EPHA3: variants seen among roughly 807,000 people sequenced by gnomAD.
The protein encoded by EPHA3 is ephrin type-A receptor 3.
In EPHA3, 42 loss-of-function variants were observed where a neutral mutation model predicts 107.1. The observed-to-expected ratio is 0.39, with a 90% CI of 0.31 to 0.51. The LOEUF (loss-of-function observed/expected upper bound fraction) is 0.51. EPHA3 is among the 20% of genes least tolerant of loss of function. The pLI, the probability that EPHA3 is intolerant of heterozygous loss-of-function variation, is 0.78. For missense variants in EPHA3, 1,183 were observed against 1,211.2 expected (o/e 0.98, Z 0.35); for synonymous variants, 461 against 424.8 (o/e 1.09, Z -1.05).
chr3:89,289,774 G>C (rs990941846), intron 3 of EPHA3, among the ~76,000 whole-genome samples: 10 of 152,110 alleles, frequency 6.6e-5, no homozygotes, highest in Admixed American at 1.3e-4. Context: ...AAAGAAATGT[G>C]TGGAGGAGCT....
chr3:89,400,176 AT>A, intron 7 of EPHA3: 2 of 559,886 alleles, frequency 3.6e-6, no homozygotes, highest in Admixed American at 6.6e-5. Context: ...TACTTAACTC[AT>A]TTTTTTCTTT....
chr3:89,154,221 CAGG>C (rs1164470390), intron 2 of EPHA3, among the ~76,000 whole-genome samples: 2 of 151,124 alleles, frequency 1.3e-5, no homozygotes, highest in Non-Finnish European at 3.0e-5. Flanking sequence ...TCCTTTTGAG[CAGG>C]AGAACAGGAA....
chr3:89,160,493 T>A (rs1704905307), intron 2 of EPHA3, among the ~76,000 whole-genome samples: 1 of 151,044 alleles, frequency 6.6e-6, no homozygotes, highest in Non-Finnish European at 1.5e-5. Context: ...AAATAACTGT[T>A]CATAAGTAAA....
chr3:89,401,380 A>G lies in EPHA3; in HGVS notation c.1594+1900A>G, dbSNP rs1322624459. ...AAAGACTTCTTTTAATCCTCACAAT[A>G]AAATGTGTATGGAGAAATCACCCTC... is the stretch of plus-strand genomic sequence containing the variant. On this transcript the variant is annotated intron_variant, in intron 7 of 16. Transcript: ENST00000336596. Among the ~76,000 whole-genome samples the G allele has an allele frequency of 5.9e-5, 9 of 152,208 alleles. No individual in the cohort carries two copies. The East Asian group carries it at 1.5e-3, about 26-fold the overall frequency.
chr3:89,436,462 C>A (rs1342519473), intron 13 of EPHA3, among the ~76,000 whole-genome samples: 1 of 152,136 alleles, frequency 6.6e-6, no homozygotes, highest in African/African-American at 2.4e-5. Context: ...ATGCAATGAC[C>A]CTTTCCTGGT....
At position 89,329,384 on chromosome 3, in the gene EPHA3, G is replaced by C. The variant is rs546877152; in HGVS notation, c.815-11532G>C. ...AGATAAAGTGAACAAAAATGGCAGA[G>C]ATTCTTCTATTGTTCTTCCTTATGG... On this transcript the variant is annotated intron_variant, in intron 3 of 16. Coordinates refer to ENST00000336596, the MANE Select transcript of EPHA3 (RefSeq NM_005233.6). Among the ~76,000 whole-genome samples, 129 of 152,190 alleles carry C rather than the reference G, an allele frequency of 8.5e-4. 1 individual carries two copies. Among genetic ancestry groups the C allele is most frequent in the African/African-American group, 2.8e-3 (118 of 41,550 alleles).
chr3:89,426,165 G>A (rs926279421), intron 11 of EPHA3, among the ~76,000 whole-genome samples: 1 of 151,668 alleles, frequency 6.6e-6, no homozygotes. Context: ...GGAGGAAGAC[G>A]ATCATGTCAT....
chr3:89,289,091 T>C (rs1214807709), intron 3 of EPHA3, among the ~76,000 whole-genome samples: 1 of 152,098 alleles, frequency 6.6e-6, no homozygotes, highest in Non-Finnish European at 1.5e-5. Context: ...GTAAACACTG[T>C]TACCTGGATT....
rs770780950 is a variant in EPHA3, at chr3:89,210,112, C to T, written c.406C>T (p.Arg136Ter). ...TGATGATGATCATGGGGTGAAATTT[C>T]GAGAGCATCAGTTTACAAAGATTGA... ...ESDDDHGVKF[R>*]EHQFTKIDTI... is the part of the protein sequence containing the mutation. The change falls in exon 3 of 17, where the codon CGA becomes TGA. Residue 136 changes from arginine (R) to a stop codon, truncating the protein, a stop_gained. Transcript: ENST00000336596. LOFTEE classifies it high-confidence loss of function. The T allele has an allele frequency of 1.9e-6, 3 of 1,613,798 alleles. No individual in the cohort carries two copies. Among genetic ancestry groups the T allele is most frequent in the African/African-American group, 1.3e-5 (1 of 74,870 alleles).
chr3:89,308,285 A>C (rs1387247450), intron 3 of EPHA3, among the ~76,000 whole-genome samples: 1 of 152,222 alleles, frequency 6.6e-6, no homozygotes, highest in Non-Finnish European at 1.5e-5. Flanking sequence ...TGCATGATAC[A>C]AACAGTTTGA....
chr3:89,354,860 G>T (rs1227168914), intron 5 of EPHA3, among the ~76,000 whole-genome samples: 3 of 150,916 alleles, frequency 2.0e-5, no homozygotes, highest in African/African-American at 7.3e-5. Context: ...GGGTTGCAAA[G>T]GAGAGGCTTT....
chr3:89,468,681 T>C (rs1710339191), intron 15 of EPHA3, among the ~76,000 whole-genome samples: 1 of 152,214 alleles, frequency 6.6e-6, no homozygotes, highest in Non-Finnish European at 1.5e-5. Context: ...ATTTTTCTTC[T>C]AAAATCTTCT....
intron 3 of EPHA3, among the ~76,000 whole-genome samples, chr3:89,226,839 C>T (rs1179181907): frequency 4.6e-5 from 7 of 151,978 alleles, no homozygotes; most frequent in African/African-American, 1.7e-4. Context: ...AATGTCATGA[C>T]GTTTGAAGCT....
At chr3:89,209,443 C>G (rs931434752) in intron 2 of EPHA3, among the ~76,000 whole-genome samples, 6 of 151,966 alleles carry the variant, frequency 3.9e-5, no homozygotes, top group African/African-American at 1.4e-4. Flanking sequence ...TTACCAAAAA[C>G]CTGGCACAAA....
intron 3 of EPHA3, among the ~76,000 whole-genome samples, chr3:89,216,028 C>T (rs1010652291): frequency 1.3e-5 from 2 of 151,852 alleles, no homozygotes; most frequent in Non-Finnish European, 2.9e-5. Context: ...GTTCTTTGGG[C>T]TTTTAGATGC....
At chr3:89,223,117 T>G (rs1199551058) in intron 3 of EPHA3, among the ~76,000 whole-genome samples, 1 of 152,188 alleles carries the variant, frequency 6.6e-6, no homozygotes, top group East Asian at 1.9e-4. Flanking sequence ...GGGCTTTCAT[T>G]GTTTATACTT....
At chr3:89,127,857 C>T (rs1261830183) in intron 2 of EPHA3, among the ~76,000 whole-genome samples, 1 of 151,930 alleles carries the variant, frequency 6.6e-6, no homozygotes, top group Non-Finnish European at 1.5e-5. Context: ...TTTATCAATC[C>T]AGATACAAAT....
At position 89,479,561 on chromosome 3, in the gene EPHA3, C is replaced by A. The variant is rs1260662856; in HGVS notation, c.*59C>A. 1.5e-6 allele frequency: 2 copies of A among 1,298,590 alleles called. No individual in the cohort carries two copies. The highest frequency in any genetic ancestry group is 1.5e-5 in the African/African-American group (1 of 68,628). The allele number at this position is 1,298,590 out of a possible 1,614,324, so 80.4% of individuals were successfully genotyped here. A position where few individuals can be genotyped will look rare whatever the true frequency, so the allele number is the denominator to read the frequency against. ...GTGGCTGTGGAAGGCGTAGCATCATCCTGCAGACAGACAATAATTCTGGAG... is the reference window on the plus strand; with the variant it reads ...GTGGCTGTGGAAGGCGTAGCATCATACTGCAGACAGACAATAATTCTGGAG... On this transcript the variant is annotated 3_prime_UTR_variant, in exon 17 of 17. Transcript: ENST00000336596.
chr3:89,438,355 C>T (rs1709715231), intron 13 of EPHA3, among the ~76,000 whole-genome samples: 1 of 152,040 alleles, frequency 6.6e-6, no homozygotes, highest in African/African-American at 2.4e-5. Flanking sequence ...TCGTGATCCG[C>T]CAGCCTCGGC....
Sources: allele counts gnomAD v4.1 joint callset (sites outside exome capture counted in the v4.1 genomes callset), GRCh38; gene constraint gnomAD v4.1.1; transcripts MANE v1.5; gene names NCBI Gene and HGNC (gene_info 2026-07-23, HGNC 2026-07-21).